The following SCD5 variants were observed in gnomAD, a reference collection of about 807,000 sequenced individuals.
SCD5 encodes stearoyl-CoA desaturase 5.
Under a neutral mutation model 30.4 loss-of-function variants are expected in SCD5, and 20 were observed. The observed-to-expected ratio is 0.66, with a 90% CI of 0.46 to 0.96. The LOEUF is 0.96. SCD5 is among the 40% of genes least tolerant of loss of function. The pLI, the probability that SCD5 is intolerant of heterozygous loss-of-function variation, is 0.00. For synonymous variants in SCD5, 173 were observed against 176.4 expected, an observed-to-expected ratio of 0.98 and a Z score of 0.16; for missense variants, 381 against 443.3, an observed-to-expected ratio of 0.86 and a Z score of 1.26.
intron 1 of SCD5, among the ~76,000 whole-genome samples, chr4:82,722,894 C>A (rs555071147): frequency 2.0e-5 from 3 of 151,976 alleles, no homozygotes; most frequent in South Asian, 4.2e-4. Flanking sequence ...GTAGTGAAAC[C>A]CCGTCTCCAC....
chr4:82,750,181 A>C (rs532411246), intron 1 of SCD5, among the ~76,000 whole-genome samples: 2 of 152,322 alleles, frequency 1.3e-5, no homozygotes, highest in African/African-American at 2.4e-5. Context: ...TAATATTATC[A>C]AGTAAGGTGG....
intron 1 of SCD5, among the ~76,000 whole-genome samples, chr4:82,719,605 G>A (rs1435648750): frequency 1.3e-5 from 2 of 150,254 alleles, no homozygotes; most frequent in Admixed American, 6.6e-5. Flanking sequence ...CCAGGTTCAC[G>A]CCATTCTCCT....
At chr4:82,776,637 C>G (rs1721750098) in intron 1 of SCD5, among the ~76,000 whole-genome samples, 1 of 152,178 alleles carries the variant, frequency 6.6e-6, no homozygotes, top group South Asian at 2.1e-4. Flanking sequence ...CAACGAGCAT[C>G]TGTCTCTGGT....
chr4:82,747,842 T>A (rs1232694388), intron 1 of SCD5, among the ~76,000 whole-genome samples: 1 of 152,112 alleles, frequency 6.6e-6, no homozygotes, highest in Non-Finnish European at 1.5e-5. Flanking sequence ...GGGCAAAAGC[T>A]TGGAATAGTA....
At chr4:82,764,765 T>C (rs1243565552) in intron 1 of SCD5, among the ~76,000 whole-genome samples, 1 of 151,774 alleles carries the variant, frequency 6.6e-6, no homozygotes, top group Non-Finnish European at 1.5e-5. Flanking sequence ...TCATTCTTGT[T>C]GCCCATGCTA....
chr4:82,780,195 G>C (rs1388914645), intron 1 of SCD5, among the ~76,000 whole-genome samples: 1 of 152,202 alleles, frequency 6.6e-6, no homozygotes, highest in East Asian at 1.9e-4. Flanking sequence ...TGTTGGGAAT[G>C]CATTTTCCCT....
chr4:82,763,193 G>A (rs1437492090), intron 1 of SCD5, among the ~76,000 whole-genome samples: 2 of 152,134 alleles, frequency 1.3e-5, no homozygotes, highest in African/African-American at 4.8e-5. Context: ...TGACTGTTTT[G>A]TATTTGGAGA....
At chr4:82,653,689 G>GATAGATAGATAGATAGATAA (rs1560524920) in intron 3 of SCD5, among the ~76,000 whole-genome samples, 11 of 139,630 alleles carry the variant, frequency 7.9e-5, no homozygotes, top group African/African-American at 3.0e-4. Context: ...TAGATAGATA[G>GATAGATAGATAGATAGATAA]ATAGATAGAT....
chr4:82,733,267 C>G (rs1320435115), intron 1 of SCD5, among the ~76,000 whole-genome samples: 1 of 152,170 alleles, frequency 6.6e-6, no homozygotes, highest in Non-Finnish European at 1.5e-5. Flanking sequence ...TAGCTTTGGT[C>G]TCTTTCACAT....
intron 1 of SCD5, among the ~76,000 whole-genome samples, chr4:82,715,586 C>A (rs1720209554): frequency 2.0e-5 from 3 of 151,724 alleles, no homozygotes; most frequent in African/African-American, 7.3e-5. Flanking sequence ...CTACCTGTAT[C>A]ATAATTTTCT....
intron 1 of SCD5, among the ~76,000 whole-genome samples, chr4:82,797,700 A>C (rs1186281179): frequency 6.6e-6 from 1 of 151,846 alleles, no homozygotes; most frequent in African/African-American, 2.4e-5. Flanking sequence ...AAATGGGCAT[A>C]GAAGATTGCG....
chr4:82,797,517 G>A (rs1315364504), intron 1 of SCD5, among the ~76,000 whole-genome samples: 1 of 152,054 alleles, frequency 6.6e-6, no homozygotes, highest in African/African-American at 2.4e-5. Flanking sequence ...CCTACTGGCA[G>A]GAGTGGGGGT....
chr4:82,641,910 G>A (rs999566161), intron 3 of SCD5, among the ~76,000 whole-genome samples: 2 of 152,084 alleles, frequency 1.3e-5, no homozygotes, highest in Non-Finnish European at 2.9e-5. Context: ...GCCGATGTAG[G>A]GGAGAATGGA....
At chr4:82,699,206 G>C (rs1437373537) in intron 2 of SCD5, among the ~76,000 whole-genome samples, 1 of 152,132 alleles carries the variant, frequency 6.6e-6, no homozygotes, top group Non-Finnish European at 1.5e-5. Context: ...TAAAGGCTGA[G>C]GACTACTGCA....
chr4:82,689,419 GTGCCTC>G lies in SCD5; in HGVS notation c.364-8513_364-8508del, dbSNP rs1329841210. 3.3e-5 allele frequency among the ~76,000 whole-genome samples: 5 copies of G among 152,260 alleles called. No homozygotes were observed. The East Asian group carries it at 7.7e-4, about 23-fold the overall frequency. ...TACTAAAAAAAAAGAGGCATTTGTA[GTGCCTC>G]CCACTGAACAAACTGGGGTAATTTG... is the stretch of plus-strand genomic sequence containing the variant. On this transcript the variant is annotated intron_variant, in intron 2 of 4. Coordinates refer to ENST00000319540, the MANE Select transcript of SCD5 (RefSeq NM_001037582.3).
chr4:82,694,708 T>A (rs1719658521), intron 2 of SCD5, among the ~76,000 whole-genome samples: 1 of 152,124 alleles, frequency 6.6e-6, no homozygotes, highest in African/African-American at 2.4e-5. Context: ...ATATATTTAC[T>A]ATTCATTAAG....
At chr4:82,792,598 C>T (rs1476160681) in intron 1 of SCD5, among the ~76,000 whole-genome samples, 11 of 152,142 alleles carry the variant, frequency 7.2e-5, no homozygotes, top group Non-Finnish European at 1.5e-4. Context: ...GCACACATCT[C>T]TAGCCCTGGC....
chr4:82,761,099 T>C (rs1211473159), intron 1 of SCD5, among the ~76,000 whole-genome samples: 2 of 152,246 alleles, frequency 1.3e-5, no homozygotes, highest in Non-Finnish European at 2.9e-5. Context: ...TGCTAGGTAC[T>C]CTATAAATAT....
At chr4:82,711,351 T>TTC (rs1720082709) in intron 1 of SCD5, among the ~76,000 whole-genome samples, 1 of 151,652 alleles carries the variant, frequency 6.6e-6, no homozygotes, top group South Asian at 2.1e-4. Context: ...TGAAGGGTGT[T>TTC]ACTGGCATCT....
Sources: allele counts gnomAD v4.1 joint callset (sites outside exome capture counted in the v4.1 genomes callset), GRCh38; gene constraint gnomAD v4.1.1; transcripts MANE v1.5; gene names NCBI Gene and HGNC (gene_info 2026-07-23, HGNC 2026-07-21).